GRM1: variants seen among roughly 807,000 people sequenced by gnomAD.
GRM1 encodes glutamate metabotropic receptor 1.
Under a neutral mutation model 90.9 loss-of-function variants are expected in GRM1, and 33 were observed. That is an observed-to-expected ratio of 0.36 (90% CI 0.28 to 0.49). The LOEUF (loss-of-function observed/expected upper bound fraction) is 0.49. Among genes scored for constraint, GRM1 ranks in the 20% least tolerant of loss-of-function variants. GRM1 has a pLI of 0.99. For synonymous variants in GRM1, 700 were observed against 613.2 expected, an observed-to-expected ratio of 1.14 and a Z score of -2.09; for missense variants, 1,190 against 1,534.3, an observed-to-expected ratio of 0.78 and a Z score of 3.75.
chr6:146,082,668 T>C (rs1776403864), intron 1 of GRM1, among the ~76,000 whole-genome samples: 1 of 152,178 alleles, frequency 6.6e-6, no homozygotes, highest in African/African-American at 2.4e-5. Context: ...CCTGTTCAAG[T>C]TGCAATCATT....
chr6:146,128,259 G>GGAA (rs1562480885), intron 1 of GRM1, among the ~76,000 whole-genome samples: 1 of 152,130 alleles, frequency 6.6e-6, no homozygotes, highest in Non-Finnish European at 1.5e-5. Context: ...AAGAACATGT[G>GGAA]GAAGGGGATA....
intron 2 of GRM1, among the ~76,000 whole-genome samples, chr6:146,259,935 T>C (rs1781623568): frequency 6.7e-6 from 1 of 149,386 alleles, no homozygotes; most frequent in African/African-American, 2.4e-5. Flanking sequence ...TTCCAATTTC[T>C]ACACATCCTC....
chr6:146,247,800 G>A (rs1000359791), intron 2 of GRM1, among the ~76,000 whole-genome samples: 16 of 131,030 alleles, frequency 1.2e-4, no homozygotes, highest in Non-Finnish European at 2.1e-4. Context: ...GTGTGTGTGT[G>A]TGTGTATATA....
At chr6:146,035,845 G>A (rs1790871378) in intron 1 of GRM1, among the ~76,000 whole-genome samples, 1 of 151,706 alleles carries the variant, frequency 6.6e-6, no homozygotes, top group South Asian at 2.1e-4. Context: ...TCAGTATTTA[G>A]CAAACAGCTA....
intron 2 of GRM1, among the ~76,000 whole-genome samples, chr6:146,260,238 G>A (rs1195710835): frequency 6.6e-6 from 1 of 151,918 alleles, no homozygotes; most frequent in Non-Finnish European, 1.5e-5. Context: ...ACTTATGAGT[G>A]AGAATATGTG....
chr6:146,218,935 A>G (rs1373086001), intron 2 of GRM1, among the ~76,000 whole-genome samples: 1 of 152,168 alleles, frequency 6.6e-6, no homozygotes, highest in African/African-American at 2.4e-5. Flanking sequence ...TTAGTTCTTT[A>G]GTGGAAAGAT....
At chr6:146,314,765 G>A (rs1783908027) in intron 3 of GRM1, among the ~76,000 whole-genome samples, 1 of 152,084 alleles carries the variant, frequency 6.6e-6, no homozygotes, top group African/African-American at 2.4e-5. Flanking sequence ...GGCAGTTAAG[G>A]TGAAGGGGTT....
At chr6:146,170,836 T>A (rs184087751) in intron 2 of GRM1, among the ~76,000 whole-genome samples, 1,603 of 152,200 alleles carry the variant, frequency 0.011, 19 homozygotes, top group African/African-American at 0.029. Flanking sequence ...CACTTTTTTT[T>A]AAAAAAATCT....
chr6:146,052,575 C>G (rs1267192138), intron 1 of GRM1, among the ~76,000 whole-genome samples: 2 of 152,044 alleles, frequency 1.3e-5, no homozygotes, highest in Non-Finnish European at 2.9e-5. Context: ...TCCCATCCCA[C>G]TCAGCCATGG....
intron 1 of GRM1, among the ~76,000 whole-genome samples, chr6:146,077,272 G>A (rs1317017759): frequency 1.3e-5 from 2 of 152,114 alleles, no homozygotes; most frequent in African/African-American, 2.4e-5. Flanking sequence ...CATTGCTAAC[G>A]CACACACAGA....
chr6:146,141,578 ATTTG>A (rs1276820284), intron 1 of GRM1, among the ~76,000 whole-genome samples: 2 of 151,744 alleles, frequency 1.3e-5, no homozygotes, highest in Non-Finnish European at 2.9e-5. Flanking sequence ...ATTGTTTTTT[ATTTG>A]TTTGTCTCCT....
chr6:146,242,073 T>G (rs1055885566), intron 2 of GRM1, among the ~76,000 whole-genome samples: 1 of 152,102 alleles, frequency 6.6e-6, no homozygotes, highest in Non-Finnish European at 1.5e-5. Flanking sequence ...GAGCAGCATG[T>G]GTAAAGGCTC....
intron 2 of GRM1, among the ~76,000 whole-genome samples, chr6:146,194,930 C>G (rs769587117): frequency 6.6e-6 from 1 of 152,150 alleles, no homozygotes; most frequent in African/African-American, 2.4e-5. Flanking sequence ...GAGATGTTAC[C>G]TAACCTCTCT....
intron 1 of GRM1, among the ~76,000 whole-genome samples, chr6:146,068,074 C>T (rs1294189546): frequency 6.6e-6 from 1 of 151,912 alleles, no homozygotes; most frequent in Non-Finnish European, 1.5e-5. Context: ...TGTTAGAATT[C>T]ATGGAATGTG....
chr6:146,328,988 A>G (rs1462474396), intron 3 of GRM1, among the ~76,000 whole-genome samples: 1 of 152,160 alleles, frequency 6.6e-6, no homozygotes, highest in African/African-American at 2.4e-5. Context: ...CTGTAAGTAA[A>G]TGCCACTAGT....
In GRM1 at chr6:146,228,380, G is replaced by A. The variant is rs975440840; in HGVS notation, c.950+68783G>A. On this transcript the variant is annotated intron_variant, in intron 2 of 7. Coordinates refer to ENST00000282753, the MANE Select transcript of GRM1 (RefSeq NM_001278064.2). Reference sequence around the variant, plus strand: ...AAGCATTTGCCTGCAAAAGAAAGGAGCACCAGGGGTTAGGCTCACTTTTAT... The same window carrying A: ...AAGCATTTGCCTGCAAAAGAAAGGAACACCAGGGGTTAGGCTCACTTTTAT... Among the ~76,000 whole-genome samples the A allele has an allele frequency of 2.0e-5, 3 of 152,274 alleles. No homozygotes were observed. The South Asian group carries it at 6.2e-4, about 32-fold the overall frequency.
chr6:146,165,477 G>C (rs1777874111), intron 2 of GRM1, among the ~76,000 whole-genome samples: 1 of 152,080 alleles, frequency 6.6e-6, no homozygotes, highest in African/African-American at 2.4e-5. Context: ...AGAGAATGTG[G>C]ACTTTCATTG....
At chr6:146,255,846 A>C (rs1417365277) in intron 2 of GRM1, among the ~76,000 whole-genome samples, 1 of 152,110 alleles carries the variant, frequency 6.6e-6, no homozygotes, top group East Asian at 1.9e-4. Flanking sequence ...ATTTCATACT[A>C]TCCACTCATT....
At chr6:146,166,990 A>G (rs1017910869) in intron 2 of GRM1, among the ~76,000 whole-genome samples, 2 of 152,282 alleles carry the variant, frequency 1.3e-5, no homozygotes, top group African/African-American at 4.8e-5. Flanking sequence ...CTACGCAGTG[A>G]CATAAGCACC....
Sources: allele counts gnomAD v4.1 joint callset (sites outside exome capture counted in the v4.1 genomes callset), GRCh38; gene constraint gnomAD v4.1.1; transcripts MANE v1.5; gene names NCBI Gene and HGNC (gene_info 2026-07-23, HGNC 2026-07-21).